Variants in CAST observed in about 807,000 individuals in gnomAD.
CAST encodes the protein MIR583 host.
CAST carries 76 observed loss-of-function variants against 119.6 expected under a neutral mutation model. That is an observed-to-expected ratio of 0.64 (90% CI 0.53 to 0.77). The LOEUF is 0.77. CAST is among the 30% of genes least tolerant of loss of function. The pLI is 0.00. For synonymous variants in CAST, 319 were observed against 331.6 expected (o/e 0.96, Z 0.41); for missense variants, 953 against 946.5 (o/e 1.01, Z -0.09).
At chr5:96,480,137 A>T in the CAST span, among the ~76,000 whole-genome samples, 1 of 152,226 alleles carries the variant, frequency 6.6e-6, no homozygotes, top group Non-Finnish European at 1.5e-5. Context: ...TCAAATTTAC[A>T]GTAAAGAAAG....
chr5:96,148,946 A>AT, the CAST span, among the ~76,000 whole-genome samples: 12 of 152,172 alleles, frequency 7.9e-5, no homozygotes, highest in African/African-American at 2.7e-4. Flanking sequence ...CTGAAGACAC[A>AT]TTTTCTAAAG....
chr5:96,220,788 C>CT, the CAST span, among the ~76,000 whole-genome samples: 22 of 152,076 alleles, frequency 1.4e-4, no homozygotes, highest in Admixed American at 8.5e-4. Flanking sequence ...ACCTGACATC[C>CT]TTTTTTTCTG....
the CAST span, among the ~76,000 whole-genome samples, chr5:96,158,089 C>T: frequency 6.9e-6 from 1 of 145,912 alleles, no homozygotes; most frequent in Non-Finnish European, 1.5e-5. Flanking sequence ...CAAACACACA[C>T]AAAAAAACCC....
chr5:96,359,828 G>A, the CAST span, among the ~76,000 whole-genome samples: 2 of 152,024 alleles, frequency 1.3e-5, no homozygotes, highest in Non-Finnish European at 2.9e-5. Context: ...TGCTCATCTC[G>A]AAGAGTAACT....
the CAST span, among the ~76,000 whole-genome samples, chr5:96,016,205 C>T: frequency 3.3e-5 from 5 of 152,346 alleles, no homozygotes; most frequent in South Asian, 4.1e-4. Context: ...CAATCATGTA[C>T]GCCAATTCTT....
chr5:96,132,807 T>G, the CAST span, among the ~76,000 whole-genome samples: 1 of 152,170 alleles, frequency 6.6e-6, no homozygotes, highest in Non-Finnish European at 1.5e-5. Flanking sequence ...AAGGAAAATA[T>G]GTCCCAGCTG....
At chr5:96,039,656 C>A in the CAST span, among the ~76,000 whole-genome samples, 4 of 152,102 alleles carry the variant, frequency 2.6e-5, no homozygotes, top group Admixed American at 6.6e-5. Context: ...TTGTGTGTGT[C>A]AAGTTTGTCA....
At chr5:96,320,986 A>G in the CAST span, among the ~76,000 whole-genome samples, 1 of 152,156 alleles carries the variant, frequency 6.6e-6, no homozygotes, top group Non-Finnish European at 1.5e-5. Context: ...AGTTCCTACA[A>G]AATCTAGATT....
chr5:96,665,061 A>C (rs1195532832), intron 1 of CAST, among the ~76,000 whole-genome samples: 2 of 152,194 alleles, frequency 1.3e-5, no homozygotes, highest in Non-Finnish European at 2.9e-5. Context: ...TCACAGTCTG[A>C]TGTTTTTGCT....
the CAST span, among the ~76,000 whole-genome samples, chr5:96,004,718 T>A: frequency 6.6e-6 from 1 of 152,152 alleles, no homozygotes; most frequent in Non-Finnish European, 1.5e-5. Context: ...CTCAAAGAAC[T>A]TCTGGTAAAA....
chr5:96,536,443 C>G (rs1031022171), intron 1 of CAST, among the ~76,000 whole-genome samples: 1 of 152,120 alleles, frequency 6.6e-6, no homozygotes, highest in African/African-American at 2.4e-5. Context: ...TGTAGACATG[C>G]CTGGTGTATT....
intron 1 of CAST, among the ~76,000 whole-genome samples, chr5:96,611,679 T>C (rs1200753227): frequency 6.6e-6 from 1 of 152,028 alleles, no homozygotes; most frequent in Admixed American, 6.6e-5. Flanking sequence ...GCCTACAAAA[T>C]GGGAGAAGAT....
the CAST span, among the ~76,000 whole-genome samples, chr5:96,045,356 GAAAA>G: frequency 2.0e-5 from 2 of 102,028 alleles, no homozygotes; most frequent in Admixed American, 1.9e-4. Flanking sequence ...TCTGTCTCAA[GAAAA>G]AAAAAAAAAA....
chr5:96,158,067 C>T, the CAST span, among the ~76,000 whole-genome samples: 142 of 138,994 alleles, frequency 1.0e-3, 1 homozygote, highest in Non-Finnish European at 9.3e-4. Flanking sequence ...CCAAAACAAA[C>T]CAGAAAACAA....
chr5:96,077,147 A>G, the CAST span, among the ~76,000 whole-genome samples: 4 of 151,976 alleles, frequency 2.6e-5, no homozygotes, highest in Admixed American at 6.6e-5. Context: ...ATTAAAGTAT[A>G]TTTTAGAAAT....
upstream of CAST, among the ~76,000 whole-genome samples, chr5:96,658,160 T>C (rs543046975): frequency 1.3e-5 from 2 of 152,202 alleles, no homozygotes; most frequent in East Asian, 3.9e-4. Context: ...TGAGGGGCCA[T>C]GACGAACTTG....
the CAST span, among the ~76,000 whole-genome samples, chr5:96,086,467 A>G: frequency 6.6e-6 from 1 of 152,218 alleles, no homozygotes; most frequent in African/African-American, 2.4e-5. Flanking sequence ...CTTGGTATAA[A>G]TCTTTACCAG....
the CAST span, among the ~76,000 whole-genome samples, chr5:96,092,002 A>C: frequency 6.6e-6 from 1 of 152,224 alleles, no homozygotes; most frequent in Non-Finnish European, 1.5e-5. Context: ...CTAAGTGCCC[A>C]GCACATGACC....
the CAST span, among the ~76,000 whole-genome samples, chr5:96,350,541 C>T: frequency 1.6e-4 from 25 of 152,166 alleles, no homozygotes; most frequent in African/African-American, 5.8e-4. Context: ...CAAGGAATTT[C>T]CTAGTGGGCA....
Sources: gnomAD v4.1 joint callset for allele counts (sites outside exome capture counted in the v4.1 genomes callset) on GRCh38, gnomAD v4.1.1 for gene constraint, MANE v1.5 for transcripts, NCBI Gene and HGNC (gene_info 2026-07-23, HGNC 2026-07-21) for gene names.